UBE2H: variants seen among roughly 807,000 people sequenced by gnomAD.
The protein encoded by UBE2H is ubiquitin-conjugating enzyme E2 H.
A neutral mutation model predicts 29.0 loss-of-function variants in UBE2H; 3 were observed. The ratio of observed to expected loss-of-function variants is 0.10; its 90% CI spans 0.05 to 0.27. The LOEUF is 0.27. UBE2H is among the 10% of genes least tolerant of loss of function. The probability of loss-of-function intolerance (pLI) is 1.00; values close to 1 mark genes in which losing one functional copy is unlikely to be tolerated. For synonymous variants in UBE2H, 69 were observed against 82.9 expected (o/e 0.83, Z 0.91); for missense variants, 68 against 228.2 (o/e 0.30, Z 4.52).
At chr7:129,950,300 AAAGG>A (rs1807848206) in intron 1 of UBE2H, among the ~76,000 whole-genome samples, 1 of 152,200 alleles carries the variant, frequency 6.6e-6, no homozygotes, top group South Asian at 2.1e-4. Flanking sequence ...CTTTTGTCAG[AAAGG>A]AAGGAAGGTG....
intron 1 of UBE2H, among the ~76,000 whole-genome samples, chr7:129,915,569 A>G (rs1324911310): frequency 2.0e-5 from 3 of 152,294 alleles, no homozygotes; most frequent in Middle Eastern, 3.4e-3. Context: ...TACTACTGGT[A>G]CTTTCAGGCA....
At chr7:129,928,580 G>A (rs1008973979) in intron 1 of UBE2H, among the ~76,000 whole-genome samples, 1 of 152,202 alleles carries the variant, frequency 6.6e-6, no homozygotes, top group Non-Finnish European at 1.5e-5. Context: ...TCCAGCCTGC[G>A]CGACAAAGCG....
intron 1 of UBE2H, among the ~76,000 whole-genome samples, chr7:129,927,384 A>G (rs1394454349): frequency 1.3e-5 from 2 of 152,186 alleles, no homozygotes; most frequent in African/African-American, 4.8e-5. Context: ...TACTAAAAAT[A>G]CAAAAATTAG....
intron 5 of UBE2H, among the ~76,000 whole-genome samples, chr7:129,841,412 G>A (rs1350046256): frequency 2.0e-5 from 3 of 152,164 alleles, no homozygotes; most frequent in South Asian, 4.1e-4. Context: ...TTACTCAACC[G>A]AACTTTCTGC....
intron 1 of UBE2H, among the ~76,000 whole-genome samples, chr7:129,934,076 C>T (rs1023267440): frequency 3.3e-5 from 5 of 152,196 alleles, no homozygotes; most frequent in Admixed American, 2.6e-4. Flanking sequence ...AATCCCAGCA[C>T]TTTGCGAGGC....
chr7:129,909,866 G>A (rs2116444119), intron 1 of UBE2H, among the ~76,000 whole-genome samples: 1 of 152,208 alleles, frequency 6.6e-6, no homozygotes, highest in South Asian at 2.1e-4. Context: ...GAAAGAGGTG[G>A]GAGTTGGAGC....
chr7:129,835,158 T>C (rs1410032244), intron 6 of UBE2H, 97 bp from the exon 7 acceptor site: 1 of 1,527,410 alleles, frequency 6.5e-7, no homozygotes, highest in South Asian at 1.2e-5. Flanking sequence ...GGTTCAAACT[T>C]ACCTTGAACA....
At chr7:129,851,379 G>A (rs1216089570) in intron 5 of UBE2H, among the ~76,000 whole-genome samples, 1 of 152,214 alleles carries the variant, frequency 6.6e-6, no homozygotes, top group African/African-American at 2.4e-5. Context: ...GGCAGTTAAT[G>A]TGTAATTAGC....
Position 129,952,640 on chromosome 7 carries a change from G to T in UBE2H, c.-85C>A. ...CTCTGAGGAGCCCGCGGCCGCGCCG[G>T]CTCCTCGGTGGAGGTGGCAACACCC... On this transcript the variant is annotated 5_prime_UTR_variant, in exon 1 of 7. Coordinates refer to ENST00000355621, the MANE Select transcript of UBE2H (RefSeq NM_003344.4). The T allele has an allele frequency of 6.6e-7, 1 of 1,522,898 alleles. No individual in the cohort carries two copies. The highest frequency in any genetic ancestry group is 8.9e-7 in the Non-Finnish European group (1 of 1,129,692). The allele number at this position is 1,522,898 out of a possible 1,614,324, so 94.3% of individuals were successfully genotyped here. A position where few individuals can be genotyped will look rare whatever the true frequency, so the allele number is the denominator to read the frequency against.
At chr7:129,882,648 T>C (rs1806277926) in intron 1 of UBE2H, among the ~76,000 whole-genome samples, 1 of 152,210 alleles carries the variant, frequency 6.6e-6, no homozygotes, top group South Asian at 2.1e-4. Context: ...GATTCAATAC[T>C]GTCCACATAG....
At chr7:129,872,523 T>C (rs536840863) in intron 3 of UBE2H, among the ~76,000 whole-genome samples, 2 of 152,178 alleles carry the variant, frequency 1.3e-5, no homozygotes, top group East Asian at 3.9e-4. Context: ...CAGTTCCCTT[T>C]ATCACTTGCA....
intron 1 of UBE2H, among the ~76,000 whole-genome samples, chr7:129,943,281 G>A (rs1807685276): frequency 6.6e-6 from 1 of 152,204 alleles, no homozygotes. Flanking sequence ...TGATCCTTCT[G>A]CCTCAGCCCC....
At chr7:129,855,773 T>C (rs1805693691) in intron 5 of UBE2H, among the ~76,000 whole-genome samples, 1 of 152,172 alleles carries the variant, frequency 6.6e-6, no homozygotes, top group South Asian at 2.1e-4. Context: ...AGTATGCACC[T>C]ATAGTCCCAG....
intron 3 of UBE2H, among the ~76,000 whole-genome samples, chr7:129,869,207 G>C (rs1387678957): frequency 6.6e-6 from 1 of 151,922 alleles, no homozygotes; most frequent in Admixed American, 6.6e-5. Flanking sequence ...CAAAGTGCTG[G>C]GATTACAGAC....
At chr7:129,919,108 A>G (rs1807104004) in intron 1 of UBE2H, among the ~76,000 whole-genome samples, 1 of 150,590 alleles carries the variant, frequency 6.6e-6, no homozygotes, top group Non-Finnish European at 1.5e-5. Context: ...AGTAAAAAAA[A>G]AAAAAAAAAA....
At chr7:129,939,045 C>T (rs920722755) in intron 1 of UBE2H, among the ~76,000 whole-genome samples, 6 of 152,148 alleles carry the variant, frequency 3.9e-5, no homozygotes, top group Non-Finnish European at 7.4e-5. Context: ...GTGATCTATC[C>T]GCCTTGGCGT....
intron 5 of UBE2H, among the ~76,000 whole-genome samples, chr7:129,848,148 G>A (rs539168209): frequency 1.3e-5 from 2 of 152,128 alleles, no homozygotes; most frequent in African/African-American, 2.4e-5. Context: ...GCTTGAACTC[G>A]GGAGGTGGAG....
intron 1 of UBE2H, among the ~76,000 whole-genome samples, chr7:129,927,998 C>A (rs1304521021): frequency 4.3e-5 from 6 of 138,082 alleles, no homozygotes; most frequent in Non-Finnish European, 7.7e-5. Flanking sequence ...CCAACCTGGG[C>A]AACATGGCGA....
intron 1 of UBE2H, among the ~76,000 whole-genome samples, chr7:129,926,876 C>T (rs531049711): frequency 1.1e-4 from 17 of 152,276 alleles, no homozygotes; most frequent in African/African-American, 1.7e-4. Flanking sequence ...TGGTCACAAA[C>T]GCCACGCTCT....
Sources: allele counts gnomAD v4.1 joint callset (sites outside exome capture counted in the v4.1 genomes callset), GRCh38; gene constraint gnomAD v4.1.1; transcripts MANE v1.5; gene names NCBI Gene and HGNC (gene_info 2026-07-23, HGNC 2026-07-21).